The following AGBL3 variants were observed in gnomAD, a reference collection of about 807,000 sequenced individuals.
The protein encoded by AGBL3 is cytosolic carboxypeptidase 3.
In AGBL3, 68 loss-of-function variants were observed where a neutral mutation model predicts 94.5. The ratio of observed to expected loss-of-function variants is 0.72; its 90% CI spans 0.59 to 0.88. AGBL3 has a LOEUF of 0.88. AGBL3 is among the 40% of genes least tolerant of loss of function. The pLI is 0.00. For missense variants in AGBL3, 934 were observed against 1,103.8 expected (o/e 0.85, Z 2.18); for synonymous variants, 354 against 370.7 (o/e 0.95, Z 0.52).
chr7:135,116,006 G>A (rs1464703220), intron 16 of AGBL3: 2 of 155,138 alleles, frequency 1.3e-5, no homozygotes, highest in East Asian at 1.9e-4. Context: ...CAGAAAGAGC[G>A]AGACCAGTTT....
intron 5 of AGBL3, 115 bp downstream of exon 5, chr7:135,017,274 C>T (rs893335545): frequency 2.7e-6 from 2 of 750,830 alleles, no homozygotes; most frequent in Non-Finnish European, 4.5e-6. Context: ...AGTCCCTAAA[C>T]ATAAAGATGT....
chr7:135,026,244 A>ATTATTTTATTTTTTTTTTTTTAT (rs1815082604), intron 5 of AGBL3, among the ~76,000 whole-genome samples: 1 of 81,464 alleles, frequency 1.2e-5, no homozygotes, highest in African/African-American at 3.9e-5. Context: ...AATGAATACC[A>ATTATTTTATTTTTTTTTTTTTAT]TTATTTTATT....
intron 8 of AGBL3, among the ~76,000 whole-genome samples, chr7:135,043,636 A>G (rs1192702102): frequency 6.6e-6 from 1 of 152,128 alleles, no homozygotes; most frequent in African/African-American, 2.4e-5. Context: ...TGGATACCCC[A>G]TTTACTCTGA....
intron 15 of AGBL3, among the ~76,000 whole-genome samples, chr7:135,087,183 T>G (rs933854425): frequency 6.6e-6 from 1 of 151,980 alleles, no homozygotes; most frequent in Admixed American, 6.6e-5. Context: ...GTGTTATCAG[T>G]TGTAACGTCT....
chr7:135,037,846 G>A (rs183698823), intron 8 of AGBL3, among the ~76,000 whole-genome samples: 23 of 152,162 alleles, frequency 1.5e-4, no homozygotes, highest in Admixed American at 4.6e-4. Context: ...TCCTCTATTA[G>A]TCATTTTTAT....
chr7:135,074,712 T>C (rs901355473), intron 12 of AGBL3, among the ~76,000 whole-genome samples: 11 of 152,194 alleles, frequency 7.2e-5, no homozygotes, highest in Non-Finnish European at 1.3e-4. Context: ...TTCCAAGTTA[T>C]GTATATCAGG....
chr7:135,011,541 A>G (rs1018671810), intron 4 of AGBL3: 5 of 152,192 alleles, frequency 3.3e-5, no homozygotes, highest in Non-Finnish European at 7.4e-5. Flanking sequence ...GGAATACATA[A>G]AGCATTTCTG....
chr7:135,082,150 A>T (rs544490389), intron 15 of AGBL3, among the ~76,000 whole-genome samples: 4 of 152,202 alleles, frequency 2.6e-5, no homozygotes, highest in Non-Finnish European at 4.4e-5. Context: ...GCATTGAAAA[A>T]GTTTACTTTC....
chr7:135,085,313 T>C (rs900498708), intron 15 of AGBL3, among the ~76,000 whole-genome samples: 2 of 152,162 alleles, frequency 1.3e-5, no homozygotes, highest in Non-Finnish European at 2.9e-5. Flanking sequence ...TGATTATCTG[T>C]TGATTGGTTC....
chr7:135,034,777 G>A lies in AGBL3; in HGVS notation c.1186G>A (p.Val396Ile), dbSNP rs760113629. ...SDAQLLRDTF[V>I]FKVVPMLNPD... The stretch of plus-strand genomic sequence containing the variant: ...TGCACAGTTGCTTCGGGACACTTTT[G>A]TCTTCAAGGTGGTACCCATGCTCAA... Residue 396 changes from valine to isoleucine, a missense_variant, in exon 7 of 17, where the codon GTC becomes ATC. This residue lies in a region of AGBL3 where 488 missense variants were observed against 563.6 expected (regional missense o/e 0.87). Coordinates refer to ENST00000436302, the MANE Select transcript of AGBL3 (RefSeq NM_178563.4). The A allele has an allele frequency of 5.8e-6, 9 of 1,551,920 alleles. No homozygotes were observed. The highest frequency in any genetic ancestry group is 2.7e-5 in the African/African-American group (2 of 73,024).
rs573621700 is a variant in AGBL3 at position 135,040,630 on chromosome 7, C to T, written c.1500+3050C>T. 5.3e-4 allele frequency among the ~76,000 whole-genome samples: 80 copies of T among 151,828 alleles called. 1 individual carries two copies. Among genetic ancestry groups the T allele is most frequent in the Non-Finnish European group, 9.0e-4 (61 of 67,922 alleles). ...ATGAATAAAAGTGTACTTCCTTAAC[C>T]TGATAAAGGACATCTACAAGAAACT... On this transcript the variant is annotated intron_variant, in intron 8 of 16. Transcript: ENST00000436302.
chr7:135,045,693 A>T (rs919427838), intron 10 of AGBL3, 106 bp from the exon 11 acceptor site: 63 of 1,299,042 alleles, frequency 4.8e-5, no homozygotes, highest in Non-Finnish European at 6.2e-5. Flanking sequence ...GGGTTTTAGC[A>T]CTTAATTTCC....
At chr7:135,027,288 T>C (rs1203781111) in intron 5 of AGBL3, among the ~76,000 whole-genome samples, 1 of 151,726 alleles carries the variant, frequency 6.6e-6, no homozygotes, top group Non-Finnish European at 1.5e-5. Flanking sequence ...GCTCAGGCAG[T>C]CCACCCACCT....
intron 5 of AGBL3, among the ~76,000 whole-genome samples, chr7:135,029,179 A>G (rs994882626): frequency 1.3e-5 from 2 of 152,208 alleles, no homozygotes; most frequent in Non-Finnish European, 2.9e-5. Flanking sequence ...GTCACCAGCC[A>G]CATTCACCCC....
rs12536775 is a variant in AGBL3 at position 135,097,864 on chromosome 7, G to A, written c.2110+16074G>A. 0.021 allele frequency among the ~76,000 whole-genome samples: 3,128 copies of A among 152,210 alleles called. 184 individuals are homozygous for A. In the East Asian group the frequency reaches 0.23, roughly 11 times the overall value. On this transcript the variant is annotated intron_variant, in intron 15 of 16. Coordinates refer to ENST00000436302, the MANE Select transcript of AGBL3 (RefSeq NM_178563.4). The stretch of plus-strand genomic sequence containing the variant: ...CTCAGAACTCAAAAATATGTCACCA[G>A]AAAGGAGCATACAAGTTAAACAGTA...
chr7:135,073,361 G>A (rs769681165), intron 12 of AGBL3, among the ~76,000 whole-genome samples: 9 of 151,938 alleles, frequency 5.9e-5, no homozygotes, highest in Non-Finnish European at 1.0e-4. Context: ...TCCCAGCTAC[G>A]TGGGAGGCTG....
intron 11 of AGBL3, 93 bp downstream of exon 11, chr7:135,046,004 G>A: frequency 2.2e-6 from 2 of 900,112 alleles, no homozygotes; most frequent in Non-Finnish European, 3.3e-6. Context: ...GTTCTCAACT[G>A]AAAATCCCAA....
chr7:135,087,033 G>T (rs1346899291), intron 15 of AGBL3, among the ~76,000 whole-genome samples: 1 of 151,798 alleles, frequency 6.6e-6, no homozygotes, highest in African/African-American at 2.4e-5. Context: ...ACTCATAATT[G>T]GTCTGTTTGG....
At chr7:134,994,834 C>A (rs1161037710) in intron 4 of AGBL3, among the ~76,000 whole-genome samples, 2 of 152,072 alleles carry the variant, frequency 1.3e-5, no homozygotes, top group African/African-American at 4.8e-5. Context: ...TTAAAGAATT[C>A]ATGCTTAATA....
Sources: gnomAD v4.1 joint callset for allele counts (sites outside exome capture counted in the v4.1 genomes callset) on GRCh38, gnomAD v4.1.1 for gene constraint, gnomAD v4.1.1 regional missense constraint, MANE v1.5 for transcripts, NCBI Gene and HGNC (gene_info 2026-07-23, HGNC 2026-07-21) for gene names.